The following DOCK9 variants were observed in gnomAD, a reference collection of about 807,000 sequenced individuals.
The protein encoded by DOCK9 is dedicator of cytokinesis protein 9.
Under a neutral mutation model 263.3 loss-of-function variants are expected in DOCK9, and 89 were observed. That is an observed-to-expected ratio of 0.34 (90% CI 0.28 to 0.40). The LOEUF (loss-of-function observed/expected upper bound fraction) is 0.40, where lower values mean the gene tolerates loss of function less well. Ranked by LOEUF, DOCK9 falls within the 10% of genes least tolerant of loss-of-function variation. DOCK9 has a pLI of 1.00. For synonymous variants in DOCK9, 976 were observed against 973.1 expected, an observed-to-expected ratio of 1.00 and a Z score of -0.06; for missense variants, 2,140 against 2,603.4, an observed-to-expected ratio of 0.82 and a Z score of 3.87.
chr13:99,056,218 T>C (rs528211088), intron 1 of DOCK9, among the ~76,000 whole-genome samples: 68 of 152,328 alleles, frequency 4.5e-4, no homozygotes, highest in African/African-American at 1.5e-3. Context: ...CTTTTGAAAG[T>C]GCAATTGTGA....
chr13:98,992,621 G>A lies in DOCK9; in HGVS notation c.130-37070C>T, dbSNP rs115137634. On this transcript the variant is annotated intron_variant, in intron 1 of 32. Transcript: ENST00000427887. ...CATGAGATCTGATGGTTTAATAAAA[G>A]GGAGTTCCCCAGCACACCCCACTTG... Among the ~76,000 whole-genome samples the A allele has an allele frequency of 1.8e-3, 279 of 152,292 alleles. 3 individuals carry two copies. The highest frequency in any genetic ancestry group is 6.5e-3 in the African/African-American group (272 of 41,544).
intron 1 of DOCK9, 59 bp downstream of exon 1, chr13:98,977,725 G>T (rs1189011377): frequency 6.4e-7 from 1 of 1,559,584 alleles, no homozygotes; most frequent in African/African-American, 1.4e-5. Context: ...CCGTCCACAC[G>T]CACAATAAGA....
At chr13:99,023,676 A>C (rs531810466) in intron 1 of DOCK9, among the ~76,000 whole-genome samples, 6 of 152,322 alleles carry the variant, frequency 3.9e-5, no homozygotes, top group African/African-American at 1.4e-4. Flanking sequence ...ATAGAAAACC[A>C]ACTTGTTGGG....
intron 1 of DOCK9, among the ~76,000 whole-genome samples, chr13:99,050,575 C>T (rs897206389): frequency 2.6e-5 from 4 of 152,156 alleles, no homozygotes; most frequent in Admixed American, 6.5e-5. Flanking sequence ...CGCCTGTAAT[C>T]CCAGCTACTC....
At chr13:99,041,741 A>G (rs1317568051) in intron 1 of DOCK9, among the ~76,000 whole-genome samples, 1 of 152,264 alleles carries the variant, frequency 6.6e-6, no homozygotes, top group East Asian at 1.9e-4. Flanking sequence ...TTGAAATAAG[A>G]TCATCCTGAA....
upstream of DOCK9, among the ~76,000 whole-genome samples, chr13:98,983,024 C>T (rs1330494677): frequency 1.3e-5 from 2 of 152,060 alleles, no homozygotes; most frequent in East Asian, 1.9e-4. Flanking sequence ...AATAACAATA[C>T]GAGGAATAAA....
At chr13:98,886,932 T>C (rs1331969740) in intron 18 of DOCK9, among the ~76,000 whole-genome samples, 6 of 152,006 alleles carry the variant, frequency 3.9e-5, no homozygotes, top group African/African-American at 1.2e-4. Context: ...CCTTCGCTTC[T>C]GCATGCATCA....
At chr13:98,955,695 G>C in intron 1 of DOCK9, 144 bp from the exon 2 acceptor site, 1 of 611,114 alleles carries the variant, frequency 1.6e-6, no homozygotes. Context: ...ACAGAAATAA[G>C]AGTTGTTTCC....
chr13:98,895,161 G>T (rs903604082), intron 15 of DOCK9, among the ~76,000 whole-genome samples: 10 of 120,896 alleles, frequency 8.3e-5, no homozygotes, highest in Non-Finnish European at 1.6e-4. Context: ...AAAAAAAAAA[G>T]TCAAAAAATG....
At chr13:98,913,720 A>G (rs2050429164) in intron 9 of DOCK9, among the ~76,000 whole-genome samples, 1 of 152,218 alleles carries the variant, frequency 6.6e-6, no homozygotes, top group Admixed American at 6.5e-5. Context: ...CCGATGTTTT[A>G]TATCTTTTAA....
chr13:98,823,567 T>G (rs949538284), intron 45 of DOCK9, among the ~76,000 whole-genome samples: 2 of 152,184 alleles, frequency 1.3e-5, no homozygotes, highest in African/African-American at 4.8e-5. Context: ...AACTTCAATT[T>G]CCTTAAAACA....
intron 1 of DOCK9, among the ~76,000 whole-genome samples, chr13:99,024,945 G>T (rs1374985151): frequency 1.3e-5 from 2 of 152,096 alleles, no homozygotes; most frequent in Non-Finnish European, 2.9e-5. Flanking sequence ...GTTTATAGAA[G>T]CTCATAAAAA....
intron 1 of DOCK9, among the ~76,000 whole-genome samples, chr13:99,023,879 T>C (rs896792765): frequency 6.6e-6 from 1 of 152,208 alleles, no homozygotes; most frequent in Non-Finnish European, 1.5e-5. Flanking sequence ...CTTCCAACTA[T>C]ATAGCATCAC....
intron 1 of DOCK9, among the ~76,000 whole-genome samples, chr13:99,022,143 C>A (rs372048929): frequency 6.6e-6 from 1 of 152,110 alleles, no homozygotes; most frequent in Non-Finnish European, 1.5e-5. Context: ...TCTCAATACA[C>A]AAGAGAGTTA....
chr13:99,049,572 C>CA (rs2040593368), intron 1 of DOCK9, among the ~76,000 whole-genome samples: 2 of 152,050 alleles, frequency 1.3e-5, no homozygotes, highest in Non-Finnish European at 2.9e-5. Context: ...GGCTGGAGTG[C>CA]AAAAGCACAA....
At chr13:98,908,473 T>G (rs1407983729) in intron 9 of DOCK9, among the ~76,000 whole-genome samples, 1 of 152,138 alleles carries the variant, frequency 6.6e-6, no homozygotes, top group East Asian at 1.9e-4. Context: ...ACCTTAAATG[T>G]TCATTAATAG....
rs567793443 is a variant in DOCK9 at position 98,883,063 on chromosome 13, G to A, written c.2538C>T (p.Asn846=). Residue 846 remains asparagine (N), a synonymous_variant, in exon 23 of 53, where the codon AAC becomes AAT. Transcript: ENST00000682017. The part of the protein sequence containing the change: ...KTESGAQALG[N]ELVKYLKSLH... ...ATACCTTAAGGTACTTTACAAGTTC[G>A]TTTCCTAAGGCTTGGGCTCCAGATT... is the stretch of plus-strand genomic sequence containing the variant. 275 of 1,613,788 alleles carry A rather than the reference G, an allele frequency of 1.7e-4. 1 individual carries two copies. The South Asian group carries it at 2.6e-3, about 15-fold the overall frequency.
Position 99,021,996 on chromosome 13 carries a change from G to T in DOCK9, c.129+64227C>A, listed in dbSNP as rs574401534. The stretch of plus-strand genomic sequence containing the variant: ...AAATTAAAAAAAGACTTTAAATAAT[G>T]GAAATTAAGAAAGTATTATTAAATA... On this transcript the variant is annotated intron_variant, in intron 1 of 32. Transcript: ENST00000427887. Among the ~76,000 whole-genome samples, 3 of 152,060 alleles carry T rather than the reference G, an allele frequency of 2.0e-5. No homozygotes were observed. In the South Asian group the frequency reaches 6.2e-4, roughly 32 times the overall value.
At chr13:98,828,942 G>A (rs1932972025) in intron 43 of DOCK9, among the ~76,000 whole-genome samples, 2 of 152,132 alleles carry the variant, frequency 1.3e-5, no homozygotes, top group South Asian at 4.2e-4. Flanking sequence ...CCCTACAGAG[G>A]AGAAAGCAAC....
Sources: gnomAD v4.1 joint callset for allele counts (sites outside exome capture counted in the v4.1 genomes callset) on GRCh38, gnomAD v4.1.1 for gene constraint, MANE v1.5 for transcripts, NCBI Gene and HGNC (gene_info 2026-07-23, HGNC 2026-07-21) for gene names.